Variants in PRRC2B observed in about 807,000 individuals in gnomAD.
PRRC2B encodes the protein protein PRRC2B.
In PRRC2B, 68 loss-of-function variants were observed where a neutral mutation model predicts 242.3. The ratio of observed to expected loss-of-function variants is 0.28; its 90% CI spans 0.23 to 0.34. PRRC2B has a LOEUF of 0.34. PRRC2B is among the 10% of genes least tolerant of loss of function. The probability of loss-of-function intolerance (pLI) is 1.00; values close to 1 mark genes in which losing one functional copy is unlikely to be tolerated. For missense variants in PRRC2B, 2,835 were observed against 2,954.8 expected, an observed-to-expected ratio of 0.96 and a Z score of 0.94; for synonymous variants, 1,228 against 1,173.6, an observed-to-expected ratio of 1.05 and a Z score of -0.95.
chr9:131,391,014 T>C (rs1414551929), upstream of PRRC2B, among the ~76,000 whole-genome samples: 3 of 151,892 alleles, frequency 2.0e-5, no homozygotes, highest in African/African-American at 7.3e-5. Flanking sequence ...CTCGAACGCC[T>C]GACCAAGTGA....
At position 131,499,728 on chromosome 9, in the gene PRRC2B, C is replaced by G. The variant is rs886534381; in HGVS notation, c.*3854C>G. 1 of 152,214 alleles carries G rather than the reference C, an allele frequency of 6.6e-6. No homozygotes were observed. The highest frequency in any genetic ancestry group is 1.5e-5 in the Non-Finnish European group (1 of 68,054). The allele number at this position is 152,214 out of a possible 1,614,324, so 9.4% of individuals were successfully genotyped here. On this transcript the variant is annotated 3_prime_UTR_variant, in exon 32 of 32. Coordinates refer to ENST00000683519, the MANE Select transcript of PRRC2B (RefSeq NM_013318.4). ...AGTGGCACCCTCAGAGCCCCATCTTCAGCATGTTCTGAAGCCTCAGAGTGG... is the reference window on the plus strand; with the variant it reads ...AGTGGCACCCTCAGAGCCCCATCTTGAGCATGTTCTGAAGCCTCAGAGTGG...
intron 19 of PRRC2B, among the ~76,000 whole-genome samples, chr9:131,480,380 C>T (rs1420694744): frequency 6.6e-6 from 1 of 152,196 alleles, no homozygotes; most frequent in Admixed American, 6.5e-5. Flanking sequence ...AATAACACTA[C>T]ATTTGGTAGT....
chr9:131,492,062 G>T, intron 29 of PRRC2B, 107 bp from the exon 30 acceptor site: 1 of 848,604 alleles, frequency 1.2e-6, no homozygotes. Flanking sequence ...GCCTCCCTGG[G>T]AATTCCCATG....
intron 1 of PRRC2B, among the ~76,000 whole-genome samples, chr9:131,376,879 C>A (rs1194898000): frequency 6.6e-6 from 1 of 152,048 alleles, no homozygotes; most frequent in Admixed American, 6.6e-5. Context: ...TGGTGGTATG[C>A]ACCTGTAATC....
chr9:131,398,463 G>C (rs987520761), intron 1 of PRRC2B, among the ~76,000 whole-genome samples: 11 of 152,186 alleles, frequency 7.2e-5, no homozygotes, highest in African/African-American at 2.7e-4. Context: ...AGTTGCTGGC[G>C]GTCTTTCACA....
At chr9:131,395,967 ATC>A (rs1837042042) in intron 1 of PRRC2B, among the ~76,000 whole-genome samples, 3 of 152,222 alleles carry the variant, frequency 2.0e-5, no homozygotes, top group Admixed American at 2.0e-4. Flanking sequence ...GCAGATAATC[ATC>A]TGAGAGTGAG....
At chr9:131,438,711 T>C (rs1040216478) in intron 4 of PRRC2B, among the ~76,000 whole-genome samples, 3 of 152,198 alleles carry the variant, frequency 2.0e-5, no homozygotes, top group Admixed American at 1.3e-4. Context: ...CTGGCTTTGC[T>C]GTGTCACTGT....
intron 1 of PRRC2B, among the ~76,000 whole-genome samples, chr9:131,416,399 G>T (rs1020293133): frequency 6.6e-6 from 1 of 152,096 alleles, no homozygotes; most frequent in Non-Finnish European, 1.5e-5. Flanking sequence ...GAGCCACTGC[G>T]CCTGGCCTCT....
chr9:131,378,309 CAAAAAAA>C (rs761589088), intron 1 of PRRC2B, among the ~76,000 whole-genome samples: 3 of 58,590 alleles, frequency 5.1e-5, no homozygotes, highest in African/African-American at 2.0e-4. Context: ...AACTCTGTCT[CAAAAAAA>C]AAAAAAAAAA....
At chr9:131,429,804 A>C (rs557465358) in intron 1 of PRRC2B, among the ~76,000 whole-genome samples, 1 of 152,258 alleles carries the variant, frequency 6.6e-6, no homozygotes, top group Non-Finnish European at 1.5e-5. Context: ...GTTGGTGTGC[A>C]GTAGACTCCA....
chr9:131,474,561 A>C lies in PRRC2B; in HGVS notation c.2432A>C (p.Lys811Thr). Reference sequence around the variant, plus strand: ...GAGTACTTGAGTGCTTTTGACAAGAAGGCCCAAGCAGACTTTGACAGCTGT... The same window carrying C: ...GAGTACTTGAGTGCTTTTGACAAGACGGCCCAAGCAGACTTTGACAGCTGT... The part of the protein sequence containing the change: ...GEEYLSAFDK[K>T]AQADFDSCIS... Residue 811 changes from lysine to threonine, a missense_variant, in exon 16 of 32, where the codon AAG (lysine) becomes ACG (threonine). This residue lies in a region of PRRC2B where 1,536 missense variants were observed against 1,483.1 expected (regional missense o/e 1.04). Transcript: ENST00000683519. 6.2e-7 allele frequency: 1 copy of C among 1,614,008 alleles called. No homozygotes were observed. Among genetic ancestry groups the C allele is most frequent in the Non-Finnish European group, 8.5e-7 (1 of 1,179,908 alleles).
Position 131,467,614 on chromosome 9 carries a change from C to T in PRRC2B, c.1772C>T (p.Ala591Val), listed in dbSNP as rs771721264. 50 of 1,613,280 alleles carry T rather than the reference C, an allele frequency of 3.1e-5. No individual in the cohort carries two copies. The Admixed American group carries it at 8.3e-4, about 27-fold the overall frequency. The change falls in exon 13 of 32, where the codon GCA (alanine) becomes GTA (valine). Residue 591 changes from alanine to valine, a missense_variant. Transcript: ENST00000683519. ...QETPTTFPEE[A>V]PTVSPAVAQS... ...ACCCCCACCACATTCCCAGAAGAGG[C>T]ACCCACAGTGTCCCCAGCAGTGGCA... is the stretch of plus-strand genomic sequence containing the variant.
intron 1 of PRRC2B, among the ~76,000 whole-genome samples, chr9:131,402,484 T>G (rs894560737): frequency 2.0e-5 from 3 of 152,236 alleles, no homozygotes; most frequent in Non-Finnish European, 4.4e-5. Context: ...CACATTTTAT[T>G]TATTCATTCA....
At chr9:131,396,319 T>A (rs1425966093) in intron 1 of PRRC2B, among the ~76,000 whole-genome samples, 2 of 141,654 alleles carry the variant, frequency 1.4e-5, no homozygotes, top group East Asian at 4.1e-4. Context: ...TTTTTTCTTT[T>A]CTTTTCTTTT....
At chr9:131,400,913 G>C (rs1325018206) in intron 1 of PRRC2B, among the ~76,000 whole-genome samples, 2 of 151,914 alleles carry the variant, frequency 1.3e-5, no homozygotes, top group Non-Finnish European at 2.9e-5. Flanking sequence ...GGAGGCCCTG[G>C]AGAGCCCCCC....
chr9:131,424,074 T>C (rs1481716019), intron 1 of PRRC2B, among the ~76,000 whole-genome samples: 1 of 152,162 alleles, frequency 6.6e-6, no homozygotes, highest in East Asian at 1.9e-4. Context: ...TGGCTGGGAT[T>C]ACAGGCGTGC....
intron 1 of PRRC2B, among the ~76,000 whole-genome samples, chr9:131,412,293 T>C (rs1837527660): frequency 6.6e-6 from 1 of 152,190 alleles, no homozygotes; most frequent in South Asian, 2.1e-4. Flanking sequence ...GCTTGCTCTT[T>C]TGTGTCTGTC....
At chr9:131,479,985 A>G (rs980507303) in intron 19 of PRRC2B, among the ~76,000 whole-genome samples, 1 of 152,072 alleles carries the variant, frequency 6.6e-6, no homozygotes, top group Non-Finnish European at 1.5e-5. Flanking sequence ...ATAGAAAACT[A>G]TTTTCATAGA....
In PRRC2B at chr9:131,377,846, C is replaced by T. The variant is rs534028978; in HGVS notation, c.-56+4115C>T. ...ACATGGCTCCCTGCAGCCTCAATTT[C>T]TTGGGCTGAAGTGATCCTCCTGCCT... On this transcript the variant is annotated intron_variant, in intron 1 of 1. Transcript: ENST00000682525. Among the ~76,000 whole-genome samples, 7 of 152,306 alleles carry T rather than the reference C, an allele frequency of 4.6e-5. No homozygotes were observed. The South Asian group carries it at 1.5e-3, about 32-fold the overall frequency.
Sources: gnomAD v4.1 joint callset for allele counts (sites outside exome capture counted in the v4.1 genomes callset) on GRCh38, gnomAD v4.1.1 for gene constraint, gnomAD v4.1.1 regional missense constraint, MANE v1.5 for transcripts, NCBI Gene and HGNC (gene_info 2026-07-23, HGNC 2026-07-21) for gene names.